PCDHGA8: variants seen among roughly 807,000 people sequenced by gnomAD.
PCDHGA8 encodes protocadherin gamma-A8.
Under a neutral mutation model 59.2 loss-of-function variants are expected in PCDHGA8, and 45 were observed. The ratio of observed to expected loss-of-function variants is 0.76; its 90% confidence interval spans 0.60 to 0.98. The LOEUF is 0.98. PCDHGA8 is among the 50% of genes least tolerant of loss of function. The pLI, the probability that PCDHGA8 is intolerant of heterozygous loss-of-function variation, is 0.00. For synonymous variants in PCDHGA8, 531 were observed against 519.0 expected (o/e 1.02, Z -0.32); for missense variants, 1,257 against 1,196.2 (o/e 1.05, Z -0.75).
chr5:141,421,149 C>T (rs1030911066), intron 1 of PCDHGA8: 1 of 1,086,106 alleles, frequency 9.2e-7, no homozygotes, highest in Non-Finnish European at 1.3e-6. Context: ...ATGTAGTCGG[C>T]CTAGGACTTC....
chr5:141,432,061 G>T lies in PCDHGA8; in HGVS notation c.2424+36824G>T. On this transcript the variant is annotated intron_variant, in intron 1 of 3. Coordinates refer to ENST00000398604, the MANE Select transcript of PCDHGA8 (RefSeq NM_032088.2). The surrounding 1 kb of genome is among the most constrained non-coding windows in gnomAD (Gnocchi z 6.0). ...ACCGGGGAACCCCGCCCCTATCCAC[G>T]GAAACTCATATCTCGCTGAACGTGG... 1.9e-6 allele frequency: 3 copies of T among 1,614,130 alleles called. No homozygotes were observed. The highest frequency in any genetic ancestry group is 2.5e-6 in the Non-Finnish European group (3 of 1,180,034).
intron 1 of PCDHGA8, among the ~76,000 whole-genome samples, chr5:141,452,082 T>A (rs924362905): frequency 3.3e-5 from 5 of 152,240 alleles, no homozygotes; most frequent in Non-Finnish European, 7.3e-5. Context: ...GTTGGCATTA[T>A]ACAGTAAGAA....
chr5:141,434,621 G>A (rs980508411), intron 1 of PCDHGA8, among the ~76,000 whole-genome samples: 1 of 151,966 alleles, frequency 6.6e-6, no homozygotes, highest in Non-Finnish European at 1.5e-5. Flanking sequence ...CCATCTCTTC[G>A]TTTCCCATAA....
intron 1 of PCDHGA8, among the ~76,000 whole-genome samples, chr5:141,451,498 C>A (rs2098717552): frequency 6.6e-6 from 1 of 152,208 alleles, no homozygotes; most frequent in South Asian, 2.1e-4. Flanking sequence ...CTCCATAGGG[C>A]AACCAGCTTC....
Position 141,476,116 on chromosome 5 carries a change from G to C in PCDHGA8, c.2425-18691G>C, listed in dbSNP as rs367958555. On this transcript the variant is annotated intron_variant, in intron 1 of 3. Transcript: ENST00000398604. The surrounding 1 kb of genome is among the most constrained non-coding windows in gnomAD (Gnocchi z 7.6). ...GCTGAGAGGAACTGCTTTTGAGTGA[G>C]ATGGTCCCAGAGGCCTGGAGGAGCG... 504 of 1,593,954 alleles carry C rather than the reference G, an allele frequency of 3.2e-4. No individual in the cohort carries two copies. Among genetic ancestry groups the C allele is most frequent in the Non-Finnish European group, 4.1e-4 (479 of 1,172,292 alleles).
chr5:141,421,960 CA>C, intron 1 of PCDHGA8: 1 of 1,612,526 alleles, frequency 6.2e-7, no homozygotes, highest in Admixed American at 1.7e-5. Flanking sequence ...AATGTTTACA[CA>C]GTCCGTATAT....
chr5:141,421,174 C>T (rs2096550677), intron 1 of PCDHGA8: 2 of 1,378,742 alleles, frequency 1.5e-6, no homozygotes, highest in Non-Finnish European at 1.9e-6. Flanking sequence ...ATACATAAGC[C>T]GATTCACAAC....
chr5:141,494,855 G>C lies in PCDHGA8; in HGVS notation c.2473G>C (p.Gly825Arg), dbSNP rs200418116. The C allele has an allele frequency of 6.2e-7, 1 of 1,614,092 alleles. No homozygotes were observed. Among genetic ancestry groups the C allele is most frequent in the South Asian group, 1.1e-5 (1 of 91,072 alleles). ...DWRFSQAQRP[G>R]TSGSQNGDDT... is the part of the protein sequence containing the mutation. ...GCGTTTCTCTCAGGCCCAGAGACCC[G>C]GCACCAGCGGGTAGGTGACTGATTC... The change falls in exon 2 of 4, where the codon GGC (glycine) becomes CGC (arginine). Residue 825 changes from glycine (G) to arginine (R), a missense_variant. Transcript: ENST00000398604.
intron 1 of PCDHGA8, chr5:141,407,918 C>T (rs890872713): frequency 1.1e-5 from 5 of 472,514 alleles, no homozygotes. Context: ...GGGCTGCTGT[C>T]CCGCACGGAG....
intron 1 of PCDHGA8, among the ~76,000 whole-genome samples, chr5:141,468,198 G>A (rs992118435): frequency 9.2e-5 from 14 of 151,854 alleles, no homozygotes; most frequent in Admixed American, 7.2e-4. Context: ...GGTGGCGGGT[G>A]CCTGTAATTC....
intron 1 of PCDHGA8, chr5:141,413,709 C>T (rs998398149): frequency 2.4e-5 from 39 of 1,613,536 alleles, no homozygotes; most frequent in Non-Finnish European, 3.3e-5. Flanking sequence ...AGCTCAGCCC[C>T]AATAAGCACT....
chr5:141,502,955 T>C (rs2099817293), intron 2 of PCDHGA8, among the ~76,000 whole-genome samples: 1 of 149,868 alleles, frequency 6.7e-6, no homozygotes, highest in Non-Finnish European at 1.5e-5. Context: ...GCGATTCTCC[T>C]GCCTCAGCCT....
At chr5:141,483,534 G>C (rs754118568) in intron 1 of PCDHGA8, among the ~76,000 whole-genome samples, 1 of 152,102 alleles carries the variant, frequency 6.6e-6, no homozygotes, top group Non-Finnish European at 1.5e-5. Flanking sequence ...AAGGAAGCTG[G>C]GTGGTTGACA....
At position 141,431,387 on chromosome 5, in the gene PCDHGA8, C is replaced by T; in HGVS notation, c.2424+36150C>T. The T allele has an allele frequency of 1.9e-6, 3 of 1,613,938 alleles. 1 individual carries two copies. The South Asian group carries it at 3.3e-5, about 18-fold the overall frequency. Reference sequence around the variant, plus strand: ...CCGCGAAGAAAAGGCTGCTCACCACCTGGTCCTTACGGCCTCCGACGGGGG... The same window carrying T: ...CCGCGAAGAAAAGGCTGCTCACCACTTGGTCCTTACGGCCTCCGACGGGGG... On this transcript the variant is annotated intron_variant, in intron 1 of 3. Coordinates refer to ENST00000398604, the MANE Select transcript of PCDHGA8 (RefSeq NM_032088.2). This position sits in a 1 kb window ranked among gnomAD's most constrained non-coding sequence, Gnocchi z 4.8.
rs759146011 is a variant in PCDHGA8, at chr5:141,477,635, G to A, written c.2425-17172G>A. 6.2e-7 allele frequency: 1 copy of A among 1,614,138 alleles called. No homozygotes were observed. The highest frequency in any genetic ancestry group is 8.5e-7 in the Non-Finnish European group (1 of 1,180,040). On this transcript the variant is annotated intron_variant, in intron 1 of 3. Coordinates refer to ENST00000398604, the MANE Select transcript of PCDHGA8 (RefSeq NM_032088.2). This position sits in a 1 kb window ranked among gnomAD's most constrained non-coding sequence, Gnocchi z 4.9. ...GCAAGGAGCTGAAACCGGGCTAGTG[G>A]GTCGCTATTTCACAATAAATCGTGA...
chr5:141,478,607 A>T (rs892000536), intron 1 of PCDHGA8: 1 of 1,560,800 alleles, frequency 6.4e-7, no homozygotes, highest in Non-Finnish European at 8.7e-7. Context: ...CATCATATTG[A>T]GGAAGGAATG....
rs922592733 is a variant in PCDHGA8 at position 141,487,979 on chromosome 5, C to T, written c.2425-6828C>T. Among the ~76,000 whole-genome samples the T allele has an allele frequency of 1.3e-5, 2 of 152,178 alleles. No individual in the cohort carries two copies. Among genetic ancestry groups the T allele is most frequent in the African/African-American group, 4.8e-5 (2 of 41,442 alleles). The stretch of plus-strand genomic sequence containing the variant: ...TGGACAAAGGTGGCTGTTTTCTCTA[C>T]TCTTCCTGAAAGAGGGGATCAGATT... On this transcript the variant is annotated intron_variant, in intron 1 of 3. Coordinates refer to ENST00000398604, the MANE Select transcript of PCDHGA8 (RefSeq NM_032088.2). The surrounding 1 kb of genome is among the most constrained non-coding windows in gnomAD (Gnocchi z 5.0).
In PCDHGA8 at chr5:141,454,796, A is replaced by ATTTTTTTTTTTTTTTTTTTTT. The variant is rs61612330; in HGVS notation, c.2425-40002_2425-39982dup. Reference sequence around the variant, plus strand: ...AAGGAAATAATCCTCCATGGTTCTAATTTTTTTTTTTTTTTTTTTTTTTTT... The same window carrying ATTTTTTTTTTTTTTTTTTTTT: ...AAGGAAATAATCCTCCATGGTTCTAATTTTTTTTTTTTTTTTTTTTTTTTTTTTTTTTTTTTTTTTTTTTTT... On this transcript the variant is annotated intron_variant, in intron 1 of 3. Transcript: ENST00000398604. Among the ~76,000 whole-genome samples, 10 of 77,454 alleles carry ATTTTTTTTTTTTTTTTTTTTT rather than the reference A, an allele frequency of 1.3e-4. 1 individual carries two copies. Among genetic ancestry groups the ATTTTTTTTTTTTTTTTTTTTT allele is most frequent in the Non-Finnish European group, 1.9e-4 (8 of 42,810 alleles). The allele number at this position is 77,454 out of a possible 152,430, so 50.8% of individuals were successfully genotyped here. A position where few individuals can be genotyped will look rare whatever the true frequency, so the allele number is the denominator to read the frequency against.
intron 1 of PCDHGA8, among the ~76,000 whole-genome samples, chr5:141,470,451 T>C (rs2099230860): frequency 6.6e-6 from 1 of 152,210 alleles, no homozygotes; most frequent in Non-Finnish European, 1.5e-5. Context: ...AATAGCATCT[T>C]GAATAGGATT....
Sources: allele counts gnomAD v4.1 joint callset (sites outside exome capture counted in the v4.1 genomes callset), GRCh38; gene constraint gnomAD v4.1.1; non-coding constraint Gnocchi (gnomAD v3.1); transcripts MANE v1.5; gene names NCBI Gene and HGNC (gene_info 2026-07-23, HGNC 2026-07-21).